Variants in IGF2BP3 observed in about 807,000 individuals in gnomAD.
IGF2BP3 encodes the protein insulin like growth factor 2 mRNA binding protein 3.
A neutral mutation model predicts 73.8 loss-of-function variants in IGF2BP3; 9 were observed. The ratio of observed to expected loss-of-function variants is 0.12; its 90% CI spans 0.07 to 0.21. IGF2BP3 has a LOEUF of 0.21. Ranked by LOEUF, IGF2BP3 falls within the 10% of genes least tolerant of loss-of-function variation. IGF2BP3 has a pLI of 1.00. For missense variants in IGF2BP3, 542 were observed against 714.0 expected (o/e 0.76, Z 2.75); for synonymous variants, 258 against 256.7 (o/e 1.01, Z -0.05).
chr7:23,454,386 A>C (rs944299701), intron 2 of IGF2BP3, among the ~76,000 whole-genome samples: 2 of 152,198 alleles, frequency 1.3e-5, no homozygotes, highest in Admixed American at 6.5e-5. Flanking sequence ...AAGAAATGTG[A>C]AACACTCCTA....
chr7:23,410,968 T>A (rs1188610143), intron 3 of IGF2BP3, among the ~76,000 whole-genome samples: 2 of 152,192 alleles, frequency 1.3e-5, no homozygotes, highest in African/African-American at 2.4e-5. Flanking sequence ...TAAAACGTGT[T>A]AATTCAGTAC....
At chr7:23,467,558 C>CGGAAT (rs1249177716) in intron 2 of IGF2BP3, among the ~76,000 whole-genome samples, 1 of 151,958 alleles carries the variant, frequency 6.6e-6, no homozygotes, top group Non-Finnish European at 1.5e-5. Flanking sequence ...CAGTTAGAGC[C>CGGAAT]GGAATCTATG....
intron 3 of IGF2BP3, chr7:23,362,774 G>T (rs1785264774): frequency 1.3e-5 from 2 of 152,020 alleles, no homozygotes; most frequent in African/African-American, 4.8e-5. Flanking sequence ...TTATTTATGA[G>T]ACAGGGTCTT....
chr7:23,352,880 T>C (rs1330967907), intron 5 of IGF2BP3, among the ~76,000 whole-genome samples: 1 of 152,212 alleles, frequency 6.6e-6, no homozygotes, highest in African/African-American at 2.4e-5. Context: ...TTTATTGTAA[T>C]ATTCATCCAA....
At chr7:23,456,412 C>A (rs1222986193) in intron 2 of IGF2BP3, among the ~76,000 whole-genome samples, 1 of 152,178 alleles carries the variant, frequency 6.6e-6, no homozygotes, top group Non-Finnish European at 1.5e-5. Context: ...AAAATGTGGA[C>A]CTTCTTGAAG....
rs139280010 is a variant in IGF2BP3 at position 23,407,406 on chromosome 7, C to T, written c.285+11370G>A. 1.7e-3 allele frequency among the ~76,000 whole-genome samples: 252 copies of T among 151,074 alleles called. 2 individuals carry two copies. Among genetic ancestry groups the T allele is most frequent in the African/African-American group, 5.9e-3 (242 of 41,202 alleles). ...AATGGATCACCTCAGGTTGGGAGTT[C>T]GAGACCAGCCTGACTAACATGGAGA... On this transcript the variant is annotated intron_variant, in intron 3 of 14. Coordinates refer to ENST00000258729, the MANE Select transcript of IGF2BP3 (RefSeq NM_006547.3).
chr7:23,326,467 TG>T (rs1784298785), intron 10 of IGF2BP3, among the ~76,000 whole-genome samples: 1 of 151,518 alleles, frequency 6.6e-6, no homozygotes, highest in East Asian at 1.9e-4. Context: ...ACACTGTTGG[TG>T]GGACTGTAAA....
chr7:23,430,389 A>G (rs1036827725), intron 2 of IGF2BP3, among the ~76,000 whole-genome samples: 19 of 152,206 alleles, frequency 1.2e-4, no homozygotes, highest in African/African-American at 4.3e-4. Context: ...CTTATGCAAA[A>G]AAACTGGAAC....
chr7:23,468,439 C>A lies in IGF2BP3; in HGVS notation c.236+43G>T, dbSNP rs1788621205. On this transcript the variant is annotated intron_variant, in intron 2 of 14. Coordinates refer to ENST00000258729, the MANE Select transcript of IGF2BP3 (RefSeq NM_006547.3). ...TCAGCTGAGTCTCTCCACCCAATAA[C>A]GGAGTGAGAACAGAATCGGGGCAAA... 3 of 1,602,104 alleles carry A rather than the reference C, an allele frequency of 1.9e-6. No homozygotes were observed. The African/African-American group carries it at 4.0e-5, about 21-fold the overall frequency.
rs538397378 is a variant in IGF2BP3 at position 23,378,885 on chromosome 7, G to A, written c.286-17144C>T. On this transcript the variant is annotated intron_variant, in intron 3 of 14. Transcript: ENST00000258729. Reference sequence around the variant, plus strand: ...CCGTGCCTGGCCTTCTCTTCTATTCGTAAGGCTCCCCCGGAAGAGTACTGG... The same window carrying A: ...CCGTGCCTGGCCTTCTCTTCTATTCATAAGGCTCCCCCGGAAGAGTACTGG... Among the ~76,000 whole-genome samples, 14 of 151,970 alleles carry A rather than the reference G, an allele frequency of 9.2e-5. No homozygotes were observed. The South Asian group carries it at 1.0e-3, about 11-fold the overall frequency.
intron 3 of IGF2BP3, among the ~76,000 whole-genome samples, chr7:23,385,928 C>T (rs1389486902): frequency 6.6e-6 from 1 of 152,096 alleles, no homozygotes; most frequent in Non-Finnish European, 1.5e-5. Flanking sequence ...TTTGAACAGA[C>T]TTCATGGTTT....
At chr7:23,435,495 C>T (rs1253652738) in intron 2 of IGF2BP3, among the ~76,000 whole-genome samples, 1 of 151,414 alleles carries the variant, frequency 6.6e-6, no homozygotes, top group African/African-American at 2.4e-5. Flanking sequence ...GCTCTGTCGC[C>T]CAGGCTGGAG....
intron 6 of IGF2BP3, among the ~76,000 whole-genome samples, chr7:23,348,582 C>T (rs1200594633): frequency 6.6e-6 from 1 of 152,092 alleles, no homozygotes; most frequent in African/African-American, 2.4e-5. Flanking sequence ...ATGTTTCTTA[C>T]CCTTGGCACT....
At chr7:23,325,880 G>C (rs931904765) in intron 10 of IGF2BP3, among the ~76,000 whole-genome samples, 1 of 152,148 alleles carries the variant, frequency 6.6e-6, no homozygotes, top group Non-Finnish European at 1.5e-5. Context: ...GCCATATGTA[G>C]AAAGCTGAAA....
intron 7 of IGF2BP3, among the ~76,000 whole-genome samples, chr7:23,346,729 A>C (rs989904443): frequency 6.6e-6 from 1 of 151,718 alleles, no homozygotes; most frequent in African/African-American, 2.4e-5. Context: ...AGTGGCTGGG[A>C]CTACAGGCAC....
chr7:23,417,219 T>G (rs1194747000), intron 3 of IGF2BP3, among the ~76,000 whole-genome samples: 1 of 152,184 alleles, frequency 6.6e-6, no homozygotes, highest in East Asian at 1.9e-4. Context: ...AATATGTAAA[T>G]AATCATTAAA....
intron 2 of IGF2BP3, among the ~76,000 whole-genome samples, chr7:23,464,195 A>G (rs1208421841): frequency 1.3e-5 from 2 of 152,344 alleles, no homozygotes; most frequent in African/African-American, 4.8e-5. Context: ...TCTATCCTTA[A>G]CACCTATTAA....
chr7:23,395,178 GT>G (rs1001435311), intron 3 of IGF2BP3, among the ~76,000 whole-genome samples: 1 of 152,032 alleles, frequency 6.6e-6, no homozygotes, highest in Non-Finnish European at 1.5e-5. Flanking sequence ...TTTCCTTAAA[GT>G]TTTTTTAATA....
intron 4 of IGF2BP3, 34 bp from the exon 5 acceptor site, chr7:23,361,631 T>C: frequency 6.2e-7 from 1 of 1,612,962 alleles, no homozygotes; most frequent in Non-Finnish European, 8.5e-7. Context: ...GAATAAAAGT[T>C]AGTTTTCTTT....
Sources: allele counts gnomAD v4.1 joint callset (sites outside exome capture counted in the v4.1 genomes callset), GRCh38; gene constraint gnomAD v4.1.1; transcripts MANE v1.5; gene names NCBI Gene and HGNC (gene_info 2026-07-23, HGNC 2026-07-21).